The following LOC128125817 variants were observed in gnomAD, a reference collection of about 807,000 sequenced individuals.
the LOC128125817 span, among the ~76,000 whole-genome samples, chr1:41,619,807 A>G: frequency 1.3e-5 from 2 of 152,094 alleles, no homozygotes; most frequent in African/African-American, 2.4e-5. Flanking sequence ...CAGTCCCCCA[A>G]CCCCAACCAG....
the LOC128125817 span, among the ~76,000 whole-genome samples, chr1:41,619,737 G>T: frequency 6.6e-6 from 1 of 152,176 alleles, no homozygotes; most frequent in Non-Finnish European, 1.5e-5. Flanking sequence ...TCAGCTGGGA[G>T]GCTGTCCGAA....
the LOC128125817 span, among the ~76,000 whole-genome samples, chr1:41,607,119 G>T: frequency 6.6e-6 from 1 of 152,076 alleles, no homozygotes; most frequent in South Asian, 2.1e-4. Flanking sequence ...CACCAAGCCT[G>T]GCCGTGTGTA....
the LOC128125817 span, among the ~76,000 whole-genome samples, chr1:41,609,517 T>C: frequency 1.3e-5 from 2 of 151,986 alleles, no homozygotes; most frequent in African/African-American, 4.8e-5. Flanking sequence ...CAGCTGAGAT[T>C]CAGCGAGCTA....
At chr1:41,617,415 A>G in the LOC128125817 span, among the ~76,000 whole-genome samples, 2 of 152,332 alleles carry the variant, frequency 1.3e-5, no homozygotes, top group South Asian at 4.1e-4. Flanking sequence ...CACACAGAAC[A>G]TCTCTGACCC....
chr1:41,593,138 G>A, the LOC128125817 span, among the ~76,000 whole-genome samples: 3 of 152,122 alleles, frequency 2.0e-5, no homozygotes, highest in African/African-American at 4.8e-5. Context: ...TCTTTTAAAC[G>A]AAAATTCTTA....
At chr1:41,622,165 A>G in the LOC128125817 span, among the ~76,000 whole-genome samples, 1 of 152,314 alleles carries the variant, frequency 6.6e-6, no homozygotes, top group Admixed American at 6.5e-5. Flanking sequence ...TGTACAGAAG[A>G]GGAAGGCCGA....
At chr1:41,592,201 C>T in the LOC128125817 span, among the ~76,000 whole-genome samples, 5 of 152,138 alleles carry the variant, frequency 3.3e-5, no homozygotes, top group Non-Finnish European at 7.4e-5. Context: ...GATCAGGAGG[C>T]CTGGAGTCAC....
chr1:41,623,263 T>C, the LOC128125817 span, among the ~76,000 whole-genome samples: 15 of 152,116 alleles, frequency 9.9e-5, no homozygotes, highest in African/African-American at 1.4e-4. Flanking sequence ...ACCACGAAAC[T>C]TCCTACCTGT....
At chr1:41,628,684 G>A in the LOC128125817 span, 93 of 1,117,696 alleles carry the variant, frequency 8.3e-5, no homozygotes, top group East Asian at 2.8e-3. Flanking sequence ...AACTAAGCAA[G>A]CTCATGCAAG....
chr1:41,619,802 C>T, the LOC128125817 span, among the ~76,000 whole-genome samples: 4 of 152,098 alleles, frequency 2.6e-5, no homozygotes, highest in Non-Finnish European at 4.4e-5. Context: ...GGCCTCAGTC[C>T]CCCAACCCCA....
chr1:41,612,503 C>A, the LOC128125817 span, among the ~76,000 whole-genome samples: 1 of 152,178 alleles, frequency 6.6e-6, no homozygotes, highest in Non-Finnish European at 1.5e-5. Context: ...CAAAACAGCC[C>A]TCTGGGAAGG....
the LOC128125817 span, among the ~76,000 whole-genome samples, chr1:41,586,209 A>G: frequency 6.6e-6 from 1 of 152,188 alleles, no homozygotes; most frequent in African/African-American, 2.4e-5. Flanking sequence ...TATAGCCCCA[A>G]GTGTGTGCCT....
chr1:41,616,816 T>C, the LOC128125817 span, among the ~76,000 whole-genome samples: 1 of 152,182 alleles, frequency 6.6e-6, no homozygotes, highest in African/African-American at 2.4e-5. Context: ...GCCTTCCTCA[T>C]GGACAGTCTT....
chr1:41,626,496 A>C, the LOC128125817 span, among the ~76,000 whole-genome samples: 14 of 152,294 alleles, frequency 9.2e-5, no homozygotes, highest in Admixed American at 9.1e-4. Flanking sequence ...TCTGGGCACG[A>C]AGCGGGGGGA....
chr1:41,588,042 C>T, the LOC128125817 span, among the ~76,000 whole-genome samples: 5 of 152,168 alleles, frequency 3.3e-5, no homozygotes, highest in Non-Finnish European at 7.4e-5. Context: ...CAGCAAAGGT[C>T]GGGGAACTCG....
chr1:41,608,520 T>C, the LOC128125817 span, among the ~76,000 whole-genome samples: 1 of 152,196 alleles, frequency 6.6e-6, no homozygotes, highest in Non-Finnish European at 1.5e-5. Flanking sequence ...CTTGCTCTTC[T>C]GAAGGGCTCT....
the LOC128125817 span, among the ~76,000 whole-genome samples, chr1:41,622,083 G>GGGTT: frequency 1.3e-5 from 2 of 152,176 alleles, no homozygotes; most frequent in African/African-American, 4.8e-5. Flanking sequence ...CATCCATCTT[G>GGGTT]CAGATCCTTG....
At chr1:41,599,822 A>G in the LOC128125817 span, among the ~76,000 whole-genome samples, 3 of 152,208 alleles carry the variant, frequency 2.0e-5, no homozygotes, top group African/African-American at 4.8e-5. Flanking sequence ...TGCAAATCAT[A>G]TATCTGATAA....
At chr1:41,599,927 CA>C in the LOC128125817 span, among the ~76,000 whole-genome samples, 1 of 151,974 alleles carries the variant, frequency 6.6e-6, no homozygotes, top group African/African-American at 2.4e-5. Flanking sequence ...GACGTTTCTC[CA>C]AAGAAGATCT....
Sources: gnomAD v4.1 joint callset for allele counts (sites outside exome capture counted in the v4.1 genomes callset) on GRCh38, gnomAD v4.1.1 for gene constraint, MANE v1.5 for transcripts.